The following SPATS2 variants were observed in gnomAD, a reference collection of about 807,000 sequenced individuals.
SPATS2 encodes the protein spermatogenesis associated serine rich 2.
A neutral mutation model predicts 63.7 loss-of-function variants in SPATS2; 38 were observed. The ratio of observed to expected loss-of-function variants is 0.60; its 90% confidence interval spans 0.46 to 0.78. SPATS2 has a LOEUF of 0.78. Ranked by LOEUF, SPATS2 falls within the 30% of genes least tolerant of loss-of-function variation. The pLI is 0.00. For missense variants in SPATS2, 588 were observed against 666.2 expected, an observed-to-expected ratio of 0.88 and a Z score of 1.29; for synonymous variants, 207 against 232.9, an observed-to-expected ratio of 0.89 and a Z score of 1.01.
chr12:49,509,384 G>T (rs924789865), intron 9 of SPATS2, among the ~76,000 whole-genome samples: 1 of 147,490 alleles, frequency 6.8e-6, no homozygotes, highest in African/African-American at 2.5e-5. Flanking sequence ...GGGTTCAAGC[G>T]ATTCTCCTGC....
At chr12:49,449,893 T>A (rs1292800523) in intron 2 of SPATS2, among the ~76,000 whole-genome samples, 1 of 152,200 alleles carries the variant, frequency 6.6e-6, no homozygotes, top group Non-Finnish European at 1.5e-5. Context: ...CAATCAGTTA[T>A]TGAGAGTGGG....
chr12:49,494,683 G>A, intron 6 of SPATS2, 58 bp from the exon 7 acceptor site: 1 of 1,455,756 alleles, frequency 6.9e-7, no homozygotes. Flanking sequence ...ACCTCTCTAG[G>A]TTGTGGGGGA....
At chr12:49,493,511 C>T (rs972393542) in intron 6 of SPATS2, among the ~76,000 whole-genome samples, 6 of 151,930 alleles carry the variant, frequency 3.9e-5, no homozygotes, top group African/African-American at 4.8e-5. Flanking sequence ...AAGTGATTCT[C>T]CTGCCTCAGC....
intron 2 of SPATS2, among the ~76,000 whole-genome samples, chr12:49,441,537 TCTGA>T (rs1383232736): frequency 6.6e-6 from 1 of 152,216 alleles, no homozygotes; most frequent in Admixed American, 6.5e-5. Context: ...TTAACATCAA[TCTGA>T]CTTTCTTTCA....
In SPATS2 at chr12:49,484,626, C is replaced by A; in HGVS notation, c.62C>A (p.Thr21Asn). ...SGFIFDLQSNTVLAQGGAFEN... is the reference protein window; with the variant it reads ...SGFIFDLQSNNVLAQGGAFEN... ...TTCATTTTTGATTTGCAGTCCAATA[C>A]CGTACTGGCCCAGGGAGGAGCTTTT... Residue 21 changes from threonine to asparagine, a missense_variant, in exon 4 of 14, where the codon ACC becomes AAC. Coordinates refer to ENST00000552918, the MANE Select transcript of SPATS2 (RefSeq NM_023071.4). The A allele has an allele frequency of 1.2e-6, 2 of 1,613,974 alleles. No individual in the cohort carries two copies. The highest frequency in any genetic ancestry group is 1.7e-6 in the Non-Finnish European group (2 of 1,179,954).
chr12:49,518,912 C>T (rs1169169255), intron 10 of SPATS2, among the ~76,000 whole-genome samples, 161 bp from the exon 11 acceptor site: 2 of 152,136 alleles, frequency 1.3e-5, no homozygotes, highest in Non-Finnish European at 2.9e-5. Context: ...TTCAGAGACC[C>T]AATGGAAGGT....
intron 3 of SPATS2, among the ~76,000 whole-genome samples, chr12:49,464,718 A>G (rs1056491010): frequency 1.3e-5 from 2 of 151,588 alleles, no homozygotes; most frequent in African/African-American, 2.4e-5. Context: ...AGTCCCAGCT[A>G]TTTGGGAGGC....
intron 8 of SPATS2, among the ~76,000 whole-genome samples, chr12:49,497,584 T>C (rs998086020): frequency 2.0e-5 from 3 of 151,936 alleles, no homozygotes; most frequent in Non-Finnish European, 2.9e-5. Flanking sequence ...TTAGTAGAGA[T>C]GGGGTTTCGC....
In SPATS2 at chr12:49,445,387, A is replaced by G. The variant is rs1268402964; in HGVS notation, c.-243-15383A>G. 2.0e-4 allele frequency among the ~76,000 whole-genome samples: 31 copies of G among 152,114 alleles called. 1 individual carries two copies. Among genetic ancestry groups the G allele is most frequent in the Admixed American group, 2.0e-3 (30 of 15,274 alleles). On this transcript the variant is annotated intron_variant, in intron 2 of 13. Coordinates refer to ENST00000552918, the MANE Select transcript of SPATS2 (RefSeq NM_023071.4). Reference sequence around the variant, plus strand: ...TTATTTGATTGATACTGTGTGTTACATTAATTGGTTTTTGCATGTTAAGCC... The same window carrying G: ...TTATTTGATTGATACTGTGTGTTACGTTAATTGGTTTTTGCATGTTAAGCC...
At chr12:49,391,905 C>T (rs753877514) in intron 2 of SPATS2, among the ~76,000 whole-genome samples, 9 of 152,122 alleles carry the variant, frequency 5.9e-5, no homozygotes, top group Non-Finnish European at 1.0e-4. Flanking sequence ...CCAAACATTA[C>T]ATGGATTTCT....
chr12:49,390,185 GCTTCT>G, intron 2 of SPATS2: 1 of 1,415,372 alleles, frequency 7.1e-7, no homozygotes, highest in Non-Finnish European at 9.7e-7. Context: ...GAGTCTGTGA[GCTTCT>G]TACATGGCTC....
chr12:49,517,326 T>C (rs1306775668), intron 10 of SPATS2, among the ~76,000 whole-genome samples: 1 of 152,252 alleles, frequency 6.6e-6, no homozygotes, highest in East Asian at 1.9e-4. Flanking sequence ...GCAGCCCATG[T>C]GTGCATCTCT....
Position 49,378,361 on chromosome 12 carries a change from G to A in SPATS2, c.-244+7071G>A, listed in dbSNP as rs371912241. Among the ~76,000 whole-genome samples, 61 of 151,344 alleles carry A rather than the reference G, an allele frequency of 4.0e-4. 1 individual carries two copies. Among genetic ancestry groups the A allele is most frequent in the East Asian group, 2.3e-3 (12 of 5,158 alleles). On this transcript the variant is annotated intron_variant, in intron 2 of 13. Transcript: ENST00000552918. ...CACCCAGGCTGGAGTGCAGTGGCTC[G>A]AACTCGGCTCACTGCAACCTCCGCC...
At chr12:49,427,444 GGTT>G (rs1340798279) in intron 2 of SPATS2, among the ~76,000 whole-genome samples, 1 of 151,934 alleles carries the variant, frequency 6.6e-6, no homozygotes, top group Non-Finnish European at 1.5e-5. Context: ...ATGGCATTTG[GGTT>G]GTTTCCATTT....
At chr12:49,405,471 G>A (rs780815143) in intron 2 of SPATS2, among the ~76,000 whole-genome samples, 3 of 152,302 alleles carry the variant, frequency 2.0e-5, no homozygotes, top group Admixed American at 2.0e-4. Context: ...GCTCAGTTGG[G>A]TGGATCACCT....
At chr12:49,506,351 C>A (rs1946654227) in intron 9 of SPATS2, among the ~76,000 whole-genome samples, 1 of 152,178 alleles carries the variant, frequency 6.6e-6, no homozygotes, top group African/African-American at 2.4e-5. Flanking sequence ...TTCTACGTGG[C>A]TGGGAAGGCC....
intron 3 of SPATS2, among the ~76,000 whole-genome samples, chr12:49,468,167 CT>C (rs551348032): frequency 6.4e-3 from 389 of 60,506 alleles, no homozygotes; most frequent in Non-Finnish European, 0.01. Context: ...TTTTTTTTTT[CT>C]TTTTTTTTTT....
intron 3 of SPATS2, among the ~76,000 whole-genome samples, chr12:49,469,852 C>T (rs1458801455): frequency 6.6e-6 from 1 of 151,740 alleles, no homozygotes; most frequent in Admixed American, 6.6e-5. Context: ...CACGCCACTG[C>T]ACCCCAGCTT....
At chr12:49,411,686 G>C (rs1426736765) in intron 2 of SPATS2, among the ~76,000 whole-genome samples, 2 of 152,084 alleles carry the variant, frequency 1.3e-5, no homozygotes, top group African/African-American at 4.8e-5. Flanking sequence ...AGGAAAAAGT[G>C]AAAAAAGGTT....
Sources: gnomAD v4.1 joint callset for allele counts (sites outside exome capture counted in the v4.1 genomes callset) on GRCh38, gnomAD v4.1.1 for gene constraint, MANE v1.5 for transcripts, NCBI Gene and HGNC (gene_info 2026-07-23, HGNC 2026-07-21) for gene names.